KDM4C: variants seen among roughly 807,000 people sequenced by gnomAD.
KDM4C encodes the protein lysine demethylase 4C.
KDM4C carries 81 observed loss-of-function variants against 129.3 expected under a neutral mutation model. The observed-to-expected ratio is 0.63, with a 90% CI of 0.52 to 0.75. The LOEUF is 0.75. Among genes scored for constraint, KDM4C ranks in the 30% least tolerant of loss-of-function variants. The probability of loss-of-function intolerance (pLI) is 0.00; values close to 1 mark genes in which losing one functional copy is unlikely to be tolerated. For synonymous variants in KDM4C, 573 were observed against 456.1 expected (o/e 1.26, Z -3.26); for missense variants, 1,457 against 1,304.0 (o/e 1.12, Z -1.81).
At chr9:6,888,633 T>G (rs1012061686) in intron 7 of KDM4C, among the ~76,000 whole-genome samples, 1 of 152,204 alleles carries the variant, frequency 6.6e-6, no homozygotes. Context: ...TGGGTCAGAA[T>G]TATTGCAGAG....
At chr9:7,086,919 C>G (rs572858123) in intron 17 of KDM4C, among the ~76,000 whole-genome samples, 3 of 152,310 alleles carry the variant, frequency 2.0e-5, no homozygotes, top group South Asian at 4.1e-4. Context: ...GTTGGTCTTT[C>G]TGCCATCTAT....
intron 1 of KDM4C, among the ~76,000 whole-genome samples, chr9:6,780,722 T>A (rs1385914693): frequency 4.2e-5 from 5 of 119,184 alleles, no homozygotes; most frequent in African/African-American, 1.3e-4. Flanking sequence ...GAGCCGAGAT[T>A]CCGCCATTGT....
Position 7,067,331 on chromosome 9 carries a change from A to C in KDM4C, c.2424+18131A>C, listed in dbSNP as rs117245818. Among the ~76,000 whole-genome samples the C allele has an allele frequency of 2.6e-3, 401 of 152,374 alleles. 10 individuals carry two copies. Among genetic ancestry groups the C allele is most frequent in the East Asian group, 0.025 (129 of 5,186 alleles). ...TAACCACAACGTACGTTCTGCATAG[A>C]TAAAGCACAACAGTTTTTGTAACTT... On this transcript the variant is annotated intron_variant, in intron 17 of 21. Coordinates refer to ENST00000381309, the MANE Select transcript of KDM4C (RefSeq NM_015061.6).
intron 8 of KDM4C, among the ~76,000 whole-genome samples, chr9:6,923,731 T>A (rs1821965939): frequency 6.6e-6 from 1 of 152,222 alleles, no homozygotes; most frequent in South Asian, 2.1e-4. Flanking sequence ...GCTCTTTATC[T>A]TGTTTTGTAT....
chr9:6,725,696 CT>C (rs1817099373), intron 1 of KDM4C, among the ~76,000 whole-genome samples: 1 of 127,852 alleles, frequency 7.8e-6, no homozygotes, highest in South Asian at 2.5e-4. Context: ...TCTTTCTTTT[CT>C]TTTCTTTTCT....
chr9:6,959,862 T>C (rs1274600082), intron 8 of KDM4C, among the ~76,000 whole-genome samples: 1 of 152,116 alleles, frequency 6.6e-6, no homozygotes, highest in Non-Finnish European at 1.5e-5. Context: ...ATTTAAAGCC[T>C]CTTAAAATGA....
intron 19 of KDM4C, among the ~76,000 whole-genome samples, chr9:7,156,098 G>C (rs1477359534): frequency 6.6e-6 from 1 of 152,210 alleles, no homozygotes; most frequent in Non-Finnish European, 1.5e-5. Flanking sequence ...GCATTTCTCT[G>C]ATGACCAGTC....
chr9:6,875,905 TA>T lies in KDM4C; in HGVS notation c.630-4104del, dbSNP rs552795167. The stretch of plus-strand genomic sequence containing the variant: ...ATTCTTACTAGCAGCACATCTATTA[TA>T]AAGGAAAATTTTGGGACAGTAACCC... On this transcript the variant is annotated intron_variant, in intron 5 of 21. Transcript: ENST00000381309. Among the ~76,000 whole-genome samples, 336 of 152,296 alleles carry T rather than the reference TA, an allele frequency of 2.2e-3. 2 individuals are homozygous for T. Among genetic ancestry groups the T allele is most frequent in the Non-Finnish European group, 4.0e-3 (270 of 68,028 alleles).
intron 4 of KDM4C, among the ~76,000 whole-genome samples, chr9:6,824,405 A>C (rs1833542189): frequency 6.6e-6 from 1 of 152,082 alleles, no homozygotes; most frequent in Non-Finnish European, 1.5e-5. Flanking sequence ...AGGCTTGGGG[A>C]GGGCTTCGGA....
chr9:7,109,802 C>G (rs950785003), intron 18 of KDM4C, among the ~76,000 whole-genome samples: 5 of 152,138 alleles, frequency 3.3e-5, no homozygotes, highest in Non-Finnish European at 5.9e-5. Flanking sequence ...AATTTTAAAC[C>G]ACTTTTAAAT....
intron 1 of KDM4C, among the ~76,000 whole-genome samples, chr9:6,783,244 T>C (rs1824754747): frequency 6.6e-6 from 1 of 152,160 alleles, no homozygotes; most frequent in South Asian, 2.1e-4. Flanking sequence ...ACTTGTAAGC[T>C]CTTTGAGGAT....
At chr9:7,032,364 T>G (rs1004438787) in intron 15 of KDM4C, among the ~76,000 whole-genome samples, 3 of 152,224 alleles carry the variant, frequency 2.0e-5, no homozygotes, top group Admixed American at 2.0e-4. Context: ...AACACAACCT[T>G]TATTACCCCT....
intron 12 of KDM4C, among the ~76,000 whole-genome samples, chr9:6,995,352 G>GACACAC (rs143193271): frequency 0.012 from 1,801 of 151,004 alleles, 35 homozygotes; most frequent in African/African-American, 0.042. Context: ...CACAGGCACA[G>GACACAC]ACACACACAC....
At chr9:7,060,721 C>T (rs933998497) in intron 17 of KDM4C, among the ~76,000 whole-genome samples, 1 of 152,040 alleles carries the variant, frequency 6.6e-6, no homozygotes, top group Non-Finnish European at 1.5e-5. Flanking sequence ...ACCTCGTGAT[C>T]CGCCTGCCTC....
rs60009675 is a variant in KDM4C, at chr9:7,056,350, CAAA to C, written c.2424+7160_2424+7162del. ...GTAAGGTTTTTAAATAAGTGTAGTGCAAAAAAAAAAAAGTACATTAGTAGCTGT... is the reference window on the plus strand; with the variant it reads ...GTAAGGTTTTTAAATAAGTGTAGTGCAAAAAAAAAGTACATTAGTAGCTGT... On this transcript the variant is annotated intron_variant, in intron 17 of 21. Transcript: ENST00000381309. Among the ~76,000 whole-genome samples, 886 of 147,578 alleles carry C rather than the reference CAAA, an allele frequency of 6.0e-3. 14 individuals are homozygous for C. Among genetic ancestry groups the C allele is most frequent in the African/African-American group, 0.02 (796 of 40,296 alleles).
chr9:6,760,527 T>A (rs1467302371), intron 1 of KDM4C, among the ~76,000 whole-genome samples: 2 of 149,692 alleles, frequency 1.3e-5, no homozygotes, highest in African/African-American at 4.9e-5. Context: ...ATAGTTAGTC[T>A]TGGGTGATAC....
chr9:6,732,248 C>T lies in KDM4C; in HGVS notation c.49+11251C>T, dbSNP rs186426608. On this transcript the variant is annotated intron_variant, in intron 1 of 17. Transcript: ENST00000536108. The stretch of plus-strand genomic sequence containing the variant: ...GGCGTGGTGGTGGGCGCCTGTAGTC[C>T]CAGCTACTCGGGAGGCTGAGGCAGG... Among the ~76,000 whole-genome samples, 66 of 151,286 alleles carry T rather than the reference C, an allele frequency of 4.4e-4. 1 individual carries two copies. Among genetic ancestry groups the T allele is most frequent in the Admixed American group, 3.4e-3 (52 of 15,168 alleles).
intron 15 of KDM4C, among the ~76,000 whole-genome samples, chr9:7,018,438 T>A (rs1266205654): frequency 6.6e-6 from 1 of 152,272 alleles, no homozygotes; most frequent in East Asian, 1.9e-4. Context: ...CTGCTTCTAA[T>A]CTTGACCATA....
intron 8 of KDM4C, among the ~76,000 whole-genome samples, chr9:6,957,599 A>C (rs1417713542): frequency 2.6e-5 from 4 of 152,154 alleles, no homozygotes; most frequent in Non-Finnish European, 5.9e-5. Flanking sequence ...ATAAGAGATC[A>C]AACGTGGAGG....
Sources: allele counts gnomAD v4.1 joint callset (sites outside exome capture counted in the v4.1 genomes callset), GRCh38; gene constraint gnomAD v4.1.1; transcripts MANE v1.5; gene names NCBI Gene and HGNC (gene_info 2026-07-23, HGNC 2026-07-21).